The following GXYLT1 variants were observed in gnomAD, a reference collection of about 807,000 sequenced individuals.
GXYLT1 encodes glucoside xylosyltransferase 1, also known as glycosyltransferase 8 domain containing 3.
Under a neutral mutation model 54.0 loss-of-function variants are expected in GXYLT1, and 29 were observed. The observed-to-expected ratio is 0.54, with a 90% CI of 0.40 to 0.73. The LOEUF is 0.73. Ranked by LOEUF, GXYLT1 falls within the 30% of genes least tolerant of loss-of-function variation. The probability of loss-of-function intolerance (pLI) is 0.00; values close to 1 mark genes in which losing one functional copy is unlikely to be tolerated. For missense variants in GXYLT1, 490 were observed against 553.4 expected (o/e 0.89, Z 1.15); for synonymous variants, 176 against 204.1 (o/e 0.86, Z 1.17).
At chr12:42,097,382 A>C in intron 7 of GXYLT1, 60 bp downstream of exon 7, 2 of 1,310,674 alleles carry the variant, frequency 1.5e-6, no homozygotes, top group Non-Finnish European at 2.1e-6. Flanking sequence ...TTGTAAACTA[A>C]CCATTAGCTT....
At chr12:42,106,743 CTTT>C (rs1231770611) in intron 4 of GXYLT1, among the ~76,000 whole-genome samples, 2 of 127,630 alleles carry the variant, frequency 1.6e-5, no homozygotes, top group African/African-American at 3.0e-5. Flanking sequence ...TATTATTTTT[CTTT>C]TTTTTTTTTT....
At chr12:42,114,378 G>A (rs558519617) in intron 3 of GXYLT1, among the ~76,000 whole-genome samples, 12 of 152,076 alleles carry the variant, frequency 7.9e-5, no homozygotes, top group East Asian at 1.9e-4. Context: ...CTGATAGAAC[G>A]CTAGCAAGAC....
intron 5 of GXYLT1, among the ~76,000 whole-genome samples, chr12:42,105,087 G>C (rs542493689): frequency 6.2e-4 from 94 of 152,250 alleles, no homozygotes; most frequent in African/African-American, 2.2e-3. Context: ...TACTGCACAG[G>C]AGGCAAAGCT....
rs888976974 is a variant in GXYLT1 at position 42,107,243 on chromosome 12, C to T, written c.613-1174G>A. 1.3e-5 allele frequency among the ~76,000 whole-genome samples: 2 copies of T among 152,306 alleles called. 1 individual carries two copies. The highest frequency in any genetic ancestry group is 1.3e-4 in the Admixed American group (2 of 15,292). On this transcript the variant is annotated intron_variant, in intron 4 of 7. Coordinates refer to ENST00000398675, the MANE Select transcript of GXYLT1 (RefSeq NM_173601.2). ...CTGCTACTTCTTCCTGCAACTAAAG[C>T]CATCACCTTAATGAGCAGCTACTAG...
intron 7 of GXYLT1, among the ~76,000 whole-genome samples, chr12:42,091,196 T>C (rs919263941): frequency 6.6e-6 from 1 of 152,088 alleles, no homozygotes; most frequent in African/African-American, 2.4e-5. Context: ...CTTCATTAAG[T>C]TGAAAAATGA....
intron 1 of GXYLT1, among the ~76,000 whole-genome samples, chr12:42,138,546 G>GAA (rs11458987): frequency 2.0e-5 from 3 of 151,884 alleles, no homozygotes; most frequent in East Asian, 1.9e-4. Flanking sequence ...AAAGGGAGGG[G>GAA]AAAAAAACTG....
chr12:42,107,787 C>T (rs1015532599), intron 4 of GXYLT1, among the ~76,000 whole-genome samples: 1 of 152,244 alleles, frequency 6.6e-6, no homozygotes, highest in African/African-American at 2.4e-5. Context: ...TTAATAGCAA[C>T]ATTCTACATC....
chr12:42,105,743 A>T, intron 5 of GXYLT1, 75 bp downstream of exon 5: 8 of 1,134,994 alleles, frequency 7.0e-6, no homozygotes, highest in Non-Finnish European at 1.0e-5. Context: ...AGTTTTTAAT[A>T]AAATTTAGTT....
intron 5 of GXYLT1, among the ~76,000 whole-genome samples, chr12:42,098,262 C>G (rs1220947068): frequency 6.6e-6 from 1 of 151,976 alleles, no homozygotes; most frequent in Admixed American, 6.6e-5. Context: ...TAGTAAGTCA[C>G]GAAAGAAAGC....
At chr12:42,089,970 T>A (rs982494455) in intron 7 of GXYLT1, among the ~76,000 whole-genome samples, 2 of 152,226 alleles carry the variant, frequency 1.3e-5, no homozygotes, top group African/African-American at 4.8e-5. Flanking sequence ...TTATTTTTAC[T>A]ATATGACAAT....
At chr12:42,139,471 T>TG (rs1384595453) in intron 1 of GXYLT1, among the ~76,000 whole-genome samples, 5 of 151,970 alleles carry the variant, frequency 3.3e-5, no homozygotes, top group Admixed American at 6.6e-5. Context: ...ATGGGATTAG[T>TG]GGGGGGCCTT....
chr12:42,122,788 G>A (rs774361648), intron 2 of GXYLT1, among the ~76,000 whole-genome samples: 9 of 152,000 alleles, frequency 5.9e-5, no homozygotes, highest in East Asian at 1.9e-4. Flanking sequence ...CTAAAACTAC[G>A]TACTAACAAA....
intron 2 of GXYLT1, among the ~76,000 whole-genome samples, chr12:42,120,695 C>A (rs748068295): frequency 1.3e-5 from 2 of 148,486 alleles, no homozygotes; most frequent in African/African-American, 5.0e-5. Context: ...CCATGTCCAA[C>A]TAATCTTTTT....
intron 1 of GXYLT1, among the ~76,000 whole-genome samples, chr12:42,134,909 A>G (rs532918585): frequency 6.6e-6 from 1 of 152,174 alleles, no homozygotes; most frequent in Non-Finnish European, 1.5e-5. Context: ...TGCATCAATT[A>G]GTCTTTCTTT....
intron 7 of GXYLT1, among the ~76,000 whole-genome samples, chr12:42,092,558 A>C (rs1447189364): frequency 6.6e-6 from 1 of 152,146 alleles, no homozygotes; most frequent in Non-Finnish European, 1.5e-5. Flanking sequence ...CCCCAATTAC[A>C]TAAAAGGGGA....
In GXYLT1 at chr12:42,097,367, T is replaced by C. The variant is rs2065361211; in HGVS notation, c.1161+75A>G. On this transcript the variant is annotated intron_variant, in intron 7 of 7. Transcript: ENST00000398675. The stretch of plus-strand genomic sequence containing the variant: ...GAGTGTGTGTAAAAATTCTTTGTAC[T>C]ATTTTTGTAAACTAACCATTAGCTT... The C allele has an allele frequency of 2.6e-6, 3 of 1,173,908 alleles. No individual in the cohort carries two copies. In the Admixed American group the frequency reaches 8.2e-5, roughly 32 times the overall value. The allele number at this position is 1,173,908 out of a possible 1,614,324, so 72.7% of individuals were successfully genotyped here.
intron 1 of GXYLT1, among the ~76,000 whole-genome samples, chr12:42,133,338 G>A (rs1039689715): frequency 1.3e-5 from 2 of 152,066 alleles, no homozygotes; most frequent in East Asian, 3.9e-4. Flanking sequence ...GAATCTAAGT[G>A]GGCTCTGTGA....
At chr12:42,097,860 G>T in intron 6 of GXYLT1, 50 bp downstream of exon 6, 2 of 1,370,862 alleles carry the variant, frequency 1.5e-6, no homozygotes, top group Non-Finnish European at 2.0e-6. Context: ...TTTTCACTAA[G>T]TATTATCTGT....
chr12:42,136,203 A>G (rs1246791492), intron 1 of GXYLT1, among the ~76,000 whole-genome samples: 2 of 152,250 alleles, frequency 1.3e-5, no homozygotes, highest in Admixed American at 6.5e-5. Flanking sequence ...ATTAGAAGCA[A>G]TAAGATAAAT....
Sources: allele counts gnomAD v4.1 joint callset (sites outside exome capture counted in the v4.1 genomes callset), GRCh38; gene constraint gnomAD v4.1.1; transcripts MANE v1.5; gene names NCBI Gene and HGNC (gene_info 2026-07-23, HGNC 2026-07-21).